The following HDAC8 variants were observed in gnomAD, a reference collection of about 807,000 sequenced individuals.
The protein encoded by HDAC8 is histone deacetylase 8.
A neutral mutation model predicts 32.2 loss-of-function variants in HDAC8; 1 was observed. The observed-to-expected ratio is 0.03, with a 90% CI of 0.01 to 0.15. HDAC8 has a LOEUF of 0.15. HDAC8 is among the 10% of genes least tolerant of loss of function. The pLI is 1.00. For synonymous variants in HDAC8, 108 were observed against 113.9 expected, an observed-to-expected ratio of 0.95 and a Z score of 0.33; for missense variants, 117 against 300.0, an observed-to-expected ratio of 0.39 and a Z score of 4.51.
rs782411348 is a variant in HDAC8 at position 72,428,120 on chromosome X, G to C, written c.1005+33884C>G. Among the ~76,000 whole-genome samples the C allele has an allele frequency of 9.9e-5, 11 of 111,200 alleles. No homozygotes were observed. In the South Asian group the frequency reaches 3.8e-3, roughly 39 times the overall value. On this transcript the variant is annotated intron_variant, in intron 9 of 10. Transcript: ENST00000373573. ...ATCCTTCTTTTTTTTTTGAGACGGA[G>C]TCTCGCTCTGTCACCCAGGCTGGAG... is the stretch of plus-strand genomic sequence containing the variant.
intron 3 of HDAC8, 109 bp downstream of exon 3, chrX:72,568,645 G>T: frequency 1.1e-6 from 1 of 940,214 alleles, no homozygotes; most frequent in Non-Finnish European, 1.5e-6. Flanking sequence ...AAAAGATTAA[G>T]ATTGACAGTT....
intron 7 of HDAC8, among the ~76,000 whole-genome samples, chrX:72,470,689 TAG>T (rs2048147431): frequency 9.0e-6 from 1 of 111,712 alleles, no homozygotes; most frequent in African/African-American, 3.3e-5. Context: ...CTCTTAAAGG[TAG>T]AGAGACCTCT....
At chrX:72,510,361 C>T (rs148147876) in intron 4 of HDAC8, among the ~76,000 whole-genome samples, 41 of 111,704 alleles carry the variant, frequency 3.7e-4, no homozygotes, top group Middle Eastern at 9.3e-3. Flanking sequence ...TTCTCACTCT[C>T]TCTACACCAT....
At chrX:72,334,024 C>T in intron 10 of HDAC8, among the ~76,000 whole-genome samples, 1 of 112,352 alleles carries the variant, frequency 8.9e-6, no homozygotes, top group East Asian at 2.8e-4. Flanking sequence ...AATTTGGAGG[C>T]AATTAAGAAA....
intron 9 of HDAC8, among the ~76,000 whole-genome samples, chrX:72,412,687 G>C (rs970139477): frequency 2.7e-5 from 3 of 111,936 alleles, no homozygotes; most frequent in Non-Finnish European, 5.6e-5. Flanking sequence ...AGCAAATTTT[G>C]AAATAGAGAA....
At chrX:72,460,682 T>C (rs2047843057) in intron 9 of HDAC8, among the ~76,000 whole-genome samples, 1 of 112,094 alleles carries the variant, frequency 8.9e-6, no homozygotes, top group African/African-American at 3.2e-5. Flanking sequence ...CTTTTGCTTC[T>C]CAGGAATAGA....
intron 4 of HDAC8, among the ~76,000 whole-genome samples, chrX:72,543,811 T>G (rs1216133794): frequency 8.9e-6 from 1 of 112,696 alleles, no homozygotes; most frequent in East Asian, 2.8e-4. Context: ...CAGACTACAT[T>G]ATGAAACACG....
At chrX:72,424,323 C>T (rs1401497566) in intron 9 of HDAC8, among the ~76,000 whole-genome samples, 1 of 111,257 alleles carries the variant, frequency 9.0e-6, no homozygotes, top group African/African-American at 3.3e-5. Context: ...TGTTGGGCAA[C>T]CAGTGGGCCC....
At chrX:72,419,865 T>C (rs1555972969) in intron 9 of HDAC8, among the ~76,000 whole-genome samples, 1 of 111,712 alleles carries the variant, frequency 9.0e-6, no homozygotes, top group African/African-American at 3.2e-5. Flanking sequence ...GAGACAACCA[T>C]GTGTTTTTTT....
intron 9 of HDAC8, among the ~76,000 whole-genome samples, chrX:72,430,416 A>G (rs1450787849): frequency 1.8e-5 from 2 of 112,764 alleles, no homozygotes; most frequent in Admixed American, 9.3e-5. Context: ...CTAGAAAAAT[A>G]AAAGCAAAAG....
At chrX:72,486,283 CAGA>C (rs1556005707) in intron 7 of HDAC8, among the ~76,000 whole-genome samples, 2 of 111,045 alleles carry the variant, frequency 1.8e-5, no homozygotes, top group African/African-American at 6.6e-5. Flanking sequence ...AGCCACATAC[CAGA>C]AGTATTCAAA....
rs1312759654 is a variant in HDAC8 at position 72,351,949 on chromosome X, C to T, written c.1006-111G>A. On this transcript the variant is annotated intron_variant, in intron 9 of 10. Coordinates refer to ENST00000373573, the MANE Select transcript of HDAC8 (RefSeq NM_018486.3). ...CATACTACCAACAAGGCAAGGGAGG[C>T]CTCCTTGGGCAGAACAGGATGATGC... 9.7e-6 allele frequency: 5 copies of T among 513,212 alleles called. No individual in the cohort carries two copies. The East Asian group carries it at 1.1e-4, about 11-fold the overall frequency. 42.3% of individuals were successfully genotyped at this position (513,212 alleles called of 1,213,427 possible).
chrX:72,570,164 A>G (rs1432532421), intron 2 of HDAC8, among the ~76,000 whole-genome samples: 1 of 112,134 alleles, frequency 8.9e-6, no homozygotes, highest in Non-Finnish European at 1.9e-5. Context: ...CTTAAAGAAG[A>G]CAAATCTATA....
At chrX:72,490,713 C>G (rs975626678) in intron 6 of HDAC8, among the ~76,000 whole-genome samples, 14 of 107,993 alleles carry the variant, frequency 1.3e-4, no homozygotes, top group Non-Finnish European at 2.1e-4. Flanking sequence ...TGTAACTAAC[C>G]TGCACATTGT....
At chrX:72,495,057 C>G in intron 5 of HDAC8, 99 bp downstream of exon 5, 1 of 526,688 alleles carries the variant, frequency 1.9e-6, no homozygotes, top group Non-Finnish European at 3.1e-6. Flanking sequence ...AGGAAAATTT[C>G]AATTACAGCA....
chrX:72,572,464 T>C, intron 1 of HDAC8, 187 bp downstream of exon 1: 1 of 423,227 alleles, frequency 2.4e-6, no homozygotes, highest in Non-Finnish European at 4.1e-6. Context: ...CGAAGAGACA[T>C]GCTGCGCTCT....
intron 9 of HDAC8, among the ~76,000 whole-genome samples, chrX:72,386,256 A>G (rs781977063): frequency 1.3e-4 from 14 of 111,976 alleles, no homozygotes; most frequent in Non-Finnish European, 2.4e-4. Flanking sequence ...GCAAAACAAT[A>G]TGTACAGTAT....
intron 10 of HDAC8, chrX:72,351,428 C>T (rs2044177239): frequency 3.3e-6 from 1 of 302,772 alleles, no homozygotes; most frequent in East Asian, 6.1e-5. Flanking sequence ...GAGTGCTTTA[C>T]TATTGGCCTT....
chrX:72,487,460 C>A (rs2048713800), intron 7 of HDAC8, among the ~76,000 whole-genome samples: 2 of 110,875 alleles, frequency 1.8e-5, no homozygotes, highest in South Asian at 7.7e-4. Flanking sequence ...CAGTGAAATG[C>A]CAAGTTGATG....
Sources: allele counts gnomAD v4.1 joint callset (sites outside exome capture counted in the v4.1 genomes callset), GRCh38; gene constraint gnomAD v4.1.1; transcripts MANE v1.5; gene names NCBI Gene and HGNC (gene_info 2026-07-23, HGNC 2026-07-21).